The following ZNF837 variants were observed in gnomAD, a reference collection of about 807,000 sequenced individuals.
ZNF837 encodes zinc finger protein 837.
For missense variants in ZNF837, 955 were observed against 801.7 expected, an observed-to-expected ratio of 1.19 and a Z score of -2.31; for synonymous variants, 475 against 365.2, an observed-to-expected ratio of 1.30 and a Z score of -3.43.
Position 58,368,749 on chromosome 19 carries a change from TC to T in ZNF837, c.583del (p.Glu195SerfsTer212). On this transcript the variant is annotated frameshift_variant, in exon 3 of 3. Coordinates refer to ENST00000597582, the MANE Select transcript of ZNF837 (RefSeq NM_138466.2). LOFTEE classifies it low-confidence loss of function (END_TRUNC). Reference protein sequence around the residue: ...PTSRGRNPLVEQPRACACGEA... With the variant: ...PTSRGRNPLVXQPRACACGEA... ...GCCGCACGCGCAAGCCCGGGGCTGC[TC>T]CACCAAGGGGTTCCTCCCGCGGGAG... 1 of 1,539,648 alleles carries T rather than the reference TC, an allele frequency of 6.5e-7. No homozygotes were observed. The highest frequency in any genetic ancestry group is 8.7e-7 in the Non-Finnish European group (1 of 1,146,584).
In ZNF837 at chr19:58,367,893, G is replaced by A. The variant is rs1189743700; in HGVS notation, c.1440C>T (p.Cys480=). 6.5e-7 allele frequency: 1 copy of A among 1,534,704 alleles called. No homozygotes were observed. Among genetic ancestry groups the A allele is most frequent in the South Asian group, 1.2e-5 (1 of 83,794 alleles). Residue 480 remains cysteine, a synonymous_variant, in exon 3 of 3, where the codon TGC becomes TGT. Transcript: ENST00000597582. The part of the protein sequence containing the change: ...SGEKPYICRD[C]GKAFVRNCSL... ...TGCAGTTGCGCACGAAGGCCTTGCC[G>A]CAGTCGCGGCAGATGTAGGGCTTCT...
chr19:58,368,901 C>T lies in ZNF837; in HGVS notation c.432G>A (p.Val144=), dbSNP rs1309682045. ...RGAPAGETPP[V]CDPCPERIQN... Reference sequence around the variant, plus strand: ...GGATCCGCTCCGGACAGGGGTCACACACGGGTGGCGTCTCCCCAGCGGGCG... The same window carrying T: ...GGATCCGCTCCGGACAGGGGTCACATACGGGTGGCGTCTCCCCAGCGGGCG... The change falls in exon 3 of 3, where the codon GTG becomes GTA. Residue 144 remains valine, a synonymous_variant. Transcript: ENST00000597582. The T allele has an allele frequency of 1.3e-6, 2 of 1,548,248 alleles. No homozygotes were observed. The highest frequency in any genetic ancestry group is 3.4e-4 in the Middle Eastern group (2 of 5,908).
At chr19:58,371,641 C>T (rs536820727) in intron 1 of ZNF837, among the ~76,000 whole-genome samples, 19 of 152,308 alleles carry the variant, frequency 1.2e-4, no homozygotes, top group Middle Eastern at 3.4e-3. Flanking sequence ...CTGCTTCACT[C>T]GGCACAGGAG....
At chr19:58,377,039 A>G (rs2052254264) in intron 1 of ZNF837, among the ~76,000 whole-genome samples, 1 of 152,042 alleles carries the variant, frequency 6.6e-6, no homozygotes, top group South Asian at 2.1e-4. Context: ...AACATGGTGA[A>G]ACCCCATCTC....
At chr19:58,374,053 C>G (rs1458400738) in intron 1 of ZNF837, among the ~76,000 whole-genome samples, 1 of 151,992 alleles carries the variant, frequency 6.6e-6, no homozygotes, top group Non-Finnish European at 1.5e-5. Flanking sequence ...GAAGACATGG[C>G]AAAAAAGAGG....
Position 58,367,961 on chromosome 19 carries a change from C to T in ZNF837, c.1372G>A (p.Gly458Ser), listed in dbSNP as rs924217315. The T allele has an allele frequency of 8.5e-6, 13 of 1,532,342 alleles. 1 individual carries two copies. In the Admixed American group the frequency reaches 9.9e-5, roughly 12 times the overall value. 94.9% of individuals were successfully genotyped at this position (1,532,342 alleles called of 1,614,324 possible). ...TCGTGCTGGCGCAGCTCGGAGCAGCCGCGGAAGGTCTTTCCGCACTCGGAG... is the reference window on the plus strand; with the variant it reads ...TCGTGCTGGCGCAGCTCGGAGCAGCTGCGGAAGGTCTTTCCGCACTCGGAG... The part of the protein sequence containing the change: ...GCSECGKTFR[G>S]CSELRQHERL... Residue 458 changes from glycine to serine, a missense_variant, in exon 3 of 3, where the codon GGC becomes AGC. Coordinates refer to ENST00000597582, the MANE Select transcript of ZNF837 (RefSeq NM_138466.2).
At chr19:58,379,938 T>G (rs149306248) in intron 1 of ZNF837, among the ~76,000 whole-genome samples, 30 of 152,038 alleles carry the variant, frequency 2.0e-4, no homozygotes, top group African/African-American at 7.0e-4. Context: ...GAGGTTGCAG[T>G]GAGCCGAGAT....
At chr19:58,375,430 A>G (rs1057473333) in intron 1 of ZNF837, among the ~76,000 whole-genome samples, 4 of 150,092 alleles carry the variant, frequency 2.7e-5, no homozygotes, top group African/African-American at 9.8e-5. Context: ...CATGATTTAT[A>G]TATTTTTGTT....
At position 58,373,567 on chromosome 19, in the gene ZNF837, G is replaced by A. The variant is rs577402343; in HGVS notation, c.-139-3639C>T. On this transcript the variant is annotated intron_variant, in intron 1 of 2. Coordinates refer to ENST00000597582, the MANE Select transcript of ZNF837 (RefSeq NM_138466.2). ...CTGAGTCTGAGGCTACTCCTTCCAG[G>A]TGAGGGGTTGGCTGCTGTTGTAGCT... Among the ~76,000 whole-genome samples, 4 of 152,328 alleles carry A rather than the reference G, an allele frequency of 2.6e-5. No individual in the cohort carries two copies. The South Asian group carries it at 8.3e-4, about 32-fold the overall frequency.
intron 1 of ZNF837, among the ~76,000 whole-genome samples, chr19:58,377,619 C>A (rs1291465508): frequency 2.0e-5 from 3 of 152,186 alleles, no homozygotes; most frequent in Non-Finnish European, 4.4e-5. Flanking sequence ...GCCTGGGCAA[C>A]ACAGTGAGAC....
At chr19:58,374,865 G>A (rs1221050940) in intron 1 of ZNF837, among the ~76,000 whole-genome samples, 1 of 151,210 alleles carries the variant, frequency 6.6e-6, no homozygotes, top group Non-Finnish European at 1.5e-5. Flanking sequence ...CCTGGGAGGT[G>A]GAGGCTGCAG....
At position 58,369,036 on chromosome 19, in the gene ZNF837, G is replaced by A. The variant is rs745984340; in HGVS notation, c.297C>T (p.Asn99=). ...GCCCCTCGGGGATAACCAGCTCAGG[G>A]TTCTGAGAAGAGGTGGGGCCGCACG... ...REPCGPTSSQ[N]PELVIPEGLQ... Residue 99 remains asparagine (N), a synonymous_variant, in exon 3 of 3, where the codon AAC becomes AAT. Transcript: ENST00000597582. 6.6e-7 allele frequency: 1 copy of A among 1,514,790 alleles called. No homozygotes were observed. The highest frequency in any genetic ancestry group is 1.4e-5 in the African/African-American group (1 of 71,920). The allele number at this position is 1,514,790 out of a possible 1,614,324, so 93.8% of individuals were successfully genotyped here. A position where few individuals can be genotyped will look rare whatever the true frequency, so the allele number is the denominator to read the frequency against.
At chr19:58,378,721 T>C (rs2052268454) in intron 1 of ZNF837, among the ~76,000 whole-genome samples, 1 of 152,238 alleles carries the variant, frequency 6.6e-6, no homozygotes, top group Non-Finnish European at 1.5e-5. Context: ...TTTGCAGACA[T>C]AATTAAGGAT....
In ZNF837 at chr19:58,369,020, G is replaced by A. The variant is rs1352289579; in HGVS notation, c.313C>T (p.Pro105Ser). 6 of 1,514,414 alleles carry A rather than the reference G, an allele frequency of 4.0e-6. No individual in the cohort carries two copies. Among genetic ancestry groups the A allele is most frequent in the Non-Finnish European group, 5.3e-6 (6 of 1,128,868 alleles). 93.8% of individuals were successfully genotyped at this position (1,514,414 alleles called of 1,614,324 possible). A position where few individuals can be genotyped will look rare whatever the true frequency, so the allele number is the denominator to read the frequency against. The change falls in exon 3 of 3, where the codon CCC (proline) becomes TCC (serine). Residue 105 changes from proline (P) to serine (S), a missense_variant. Transcript: ENST00000597582. ...CCCTCCCGGGCTTGCAGCCCCTCGG[G>A]GATAACCAGCTCAGGGTTCTGAGAA... is the stretch of plus-strand genomic sequence containing the variant. ...TSSQNPELVI[P>S]EGLQAREGPC...
Position 58,378,824 on chromosome 19 carries a change from G to A in ZNF837, c.-140+2117C>T, listed in dbSNP as rs73060243. On this transcript the variant is annotated intron_variant, in intron 1 of 2. Coordinates refer to ENST00000597582, the MANE Select transcript of ZNF837 (RefSeq NM_138466.2). Reference sequence around the variant, plus strand: ...GAGGCAAAGGGAGTTCTGACACGGAGAAGAGTGGTCCATGTGAAGATGGAG... The same window carrying A: ...GAGGCAAAGGGAGTTCTGACACGGAAAAGAGTGGTCCATGTGAAGATGGAG... Among the ~76,000 whole-genome samples, 861 of 152,302 alleles carry A rather than the reference G, an allele frequency of 5.7e-3. 2 individuals carry two copies. The highest frequency in any genetic ancestry group is 0.014 in the Middle Eastern group (4 of 294).
intron 1 of ZNF837, among the ~76,000 whole-genome samples, chr19:58,376,570 A>G (rs146168536): frequency 2.3e-4 from 26 of 113,288 alleles, no homozygotes; most frequent in East Asian, 1.4e-3. Flanking sequence ...AAAAAAAAAA[A>G]AAAAAAAAAA....
chr19:58,369,311 C>T lies in ZNF837; in HGVS notation c.22G>A (p.Ala8Thr), dbSNP rs899473185. Residue 8 changes from alanine to threonine, a missense_variant, in exon 3 of 3, where the codon GCT becomes ACT. Physicochemically the swap from Ala to Thr is moderately conservative, Grantham distance 58 (BLOSUM62 0). Transcript: ENST00000597582. Reference protein sequence around the residue: MEAPAQKAGQGGLPKADA... With the variant: MEAPAQKTGQGGLPKADA... ...GCCTTGGGGAGTCCTCCCTGCCCAG[C>T]CTTCTGGGCTGGAGCCTCCATCCTG... 5.4e-5 allele frequency: 74 copies of T among 1,373,046 alleles called. No individual in the cohort carries two copies. Among genetic ancestry groups the T allele is most frequent in the Non-Finnish European group, 6.5e-5 (69 of 1,068,748 alleles). 85.1% of individuals were successfully genotyped at this position (1,373,046 alleles called of 1,614,324 possible).
intron 1 of ZNF837, among the ~76,000 whole-genome samples, chr19:58,371,935 C>A (rs1270200307): frequency 6.6e-6 from 1 of 152,098 alleles, no homozygotes; most frequent in Non-Finnish European, 1.5e-5. Context: ...GCTGGCCAGG[C>A]TGGTCTTGAA....
At chr19:58,371,409 A>AAAATAAAT (rs762304868) in intron 1 of ZNF837, among the ~76,000 whole-genome samples, 1 of 152,158 alleles carries the variant, frequency 6.6e-6, no homozygotes. Context: ...CTCCGTCTCA[A>AAAATAAAT]AAATAAATAA....
Sources: allele counts gnomAD v4.1 joint callset (sites outside exome capture counted in the v4.1 genomes callset), GRCh38; gene constraint gnomAD v4.1.1; transcripts MANE v1.5; gene names NCBI Gene and HGNC (gene_info 2026-07-23, HGNC 2026-07-21).